SHISA9: variants seen among roughly 807,000 people sequenced by gnomAD.
The protein encoded by SHISA9 is protein shisa-9.
A neutral mutation model predicts 38.0 loss-of-function variants in SHISA9; 13 were observed. The observed-to-expected ratio is 0.34, with a 90% CI of 0.22 to 0.54. SHISA9 has a LOEUF of 0.54. SHISA9 is among the 20% of genes least tolerant of loss of function. The probability of loss-of-function intolerance (pLI) is 0.91; values close to 1 mark genes in which losing one functional copy is unlikely to be tolerated. For missense variants in SHISA9, 538 were observed against 575.8 expected (o/e 0.93, Z 0.67); for synonymous variants, 275 against 242.0 (o/e 1.14, Z -1.27).
the SHISA9 span, among the ~76,000 whole-genome samples, chr16:13,543,661 C>A: frequency 6.6e-6 from 1 of 152,128 alleles, no homozygotes; most frequent in African/African-American, 2.4e-5. Context: ...GACACCAGGG[C>A]CGCAGAAGCC....
chr16:13,158,710 C>G (rs1408919000), intron 2 of SHISA9, among the ~76,000 whole-genome samples: 1 of 151,996 alleles, frequency 6.6e-6, no homozygotes, highest in East Asian at 1.9e-4. Context: ...TTTCCAAGGC[C>G]CATAAGATGG....
the SHISA9 span, among the ~76,000 whole-genome samples, chr16:13,438,128 A>T: frequency 2.0e-5 from 3 of 152,120 alleles, no homozygotes; most frequent in Non-Finnish European, 2.9e-5. Flanking sequence ...GGCCTCCCAA[A>T]GTGCTGGGAT....
At chr16:13,385,390 C>G in the SHISA9 span, among the ~76,000 whole-genome samples, 1 of 152,240 alleles carries the variant, frequency 6.6e-6, no homozygotes, top group East Asian at 1.9e-4. Context: ...CGGAAGCAAT[C>G]TAGATGCCCT....
At chr16:13,269,438 A>T in the SHISA9 span, among the ~76,000 whole-genome samples, 102 of 152,304 alleles carry the variant, frequency 6.7e-4, no homozygotes, top group African/African-American at 2.4e-3. Flanking sequence ...GGTGATCACA[A>T]ACAGAAAACA....
intron 1 of SHISA9, among the ~76,000 whole-genome samples, chr16:12,916,264 C>T (rs2071255470): frequency 1.3e-5 from 2 of 152,058 alleles, no homozygotes; most frequent in African/African-American, 2.4e-5. Context: ...ATGCGATTAG[C>T]GTGGTGCCTG....
chr16:12,918,979 G>A (rs545252315), intron 2 of SHISA9, among the ~76,000 whole-genome samples: 1 of 152,218 alleles, frequency 6.6e-6, no homozygotes, highest in South Asian at 2.1e-4. Context: ...TTCAGCAGCC[G>A]ACAGTAATAA....
chr16:13,041,191 T>G (rs2073128033), intron 2 of SHISA9, among the ~76,000 whole-genome samples: 1 of 152,206 alleles, frequency 6.6e-6, no homozygotes, highest in Admixed American at 6.5e-5. Context: ...AGCTTAATGG[T>G]CCACAGAAGG....
chr16:13,519,832 A>G, the SHISA9 span, among the ~76,000 whole-genome samples: 1 of 152,178 alleles, frequency 6.6e-6, no homozygotes, highest in African/African-American at 2.4e-5. Flanking sequence ...AACAGTATGA[A>G]GGTAACTACC....
chr16:13,303,906 A>G, the SHISA9 span, among the ~76,000 whole-genome samples: 1 of 152,152 alleles, frequency 6.6e-6, no homozygotes, highest in African/African-American at 2.4e-5. Context: ...CCCAGACTTA[A>G]TCTTTTCACA....
At chr16:12,968,558 G>T (rs78427008) in intron 2 of SHISA9, among the ~76,000 whole-genome samples, 1 of 152,136 alleles carries the variant, frequency 6.6e-6, no homozygotes, top group Non-Finnish European at 1.5e-5. Flanking sequence ...CTTTGTAATC[G>T]TAAAATGAAA....
chr16:13,349,165 A>C, the SHISA9 span, among the ~76,000 whole-genome samples: 1 of 151,918 alleles, frequency 6.6e-6, no homozygotes, highest in Non-Finnish European at 1.5e-5. Flanking sequence ...GCAAATATCA[A>C]CTCCCTTTGT....
At chr16:13,407,249 G>T in the SHISA9 span, among the ~76,000 whole-genome samples, 1 of 151,984 alleles carries the variant, frequency 6.6e-6, no homozygotes, top group Non-Finnish European at 1.5e-5. Context: ...GTCAGTTGTG[G>T]GTCTGCTTCC....
intron 2 of SHISA9, among the ~76,000 whole-genome samples, chr16:13,078,988 G>A (rs1314027703): frequency 6.6e-6 from 1 of 152,224 alleles, no homozygotes; most frequent in Non-Finnish European, 1.5e-5. Flanking sequence ...CTATGCAGCA[G>A]CCAGACAGCC....
chr16:13,119,550 T>C (rs2074064982), intron 2 of SHISA9, among the ~76,000 whole-genome samples: 1 of 152,242 alleles, frequency 6.6e-6, no homozygotes, highest in African/African-American at 2.4e-5. Context: ...CAATAACTAC[T>C]AACAATCATT....
intron 2 of SHISA9, among the ~76,000 whole-genome samples, chr16:13,100,201 T>C (rs766844827): frequency 9.2e-5 from 14 of 152,272 alleles, no homozygotes; most frequent in Non-Finnish European, 2.1e-4. Context: ...GATTAGTAAT[T>C]CAACTTGTCT....
chr16:13,439,635 A>C, the SHISA9 span, among the ~76,000 whole-genome samples: 3 of 152,210 alleles, frequency 2.0e-5, no homozygotes, highest in Non-Finnish European at 4.4e-5. Flanking sequence ...GAAGAAACCA[A>C]AAATGGCACA....
chr16:12,935,583 C>T (rs1470651261), intron 2 of SHISA9, among the ~76,000 whole-genome samples: 1 of 152,130 alleles, frequency 6.6e-6, no homozygotes, highest in East Asian at 1.9e-4. Flanking sequence ...CCCAGGGGCT[C>T]ACGCTGGTAA....
chr16:13,069,408 G>A (rs2073482338), intron 2 of SHISA9, among the ~76,000 whole-genome samples: 1 of 152,024 alleles, frequency 6.6e-6, no homozygotes, highest in South Asian at 2.1e-4. Flanking sequence ...TACATACAAT[G>A]TGTGCATGTG....
At chr16:13,323,009 A>C in the SHISA9 span, among the ~76,000 whole-genome samples, 1 of 152,212 alleles carries the variant, frequency 6.6e-6, no homozygotes, top group African/African-American at 2.4e-5. Flanking sequence ...GTAATCTCAG[A>C]GTCCCAGAAT....
Sources: allele counts gnomAD v4.1 joint callset (sites outside exome capture counted in the v4.1 genomes callset), GRCh38; gene constraint gnomAD v4.1.1; transcripts MANE v1.5; gene names NCBI Gene and HGNC (gene_info 2026-07-23, HGNC 2026-07-21).